Variants in CARS1 observed in about 807,000 individuals in gnomAD.
CARS1 encodes the protein cysteinyl-tRNA synthetase 1, also known as cysteine--tRNA ligase, cytoplasmic.
A neutral mutation model predicts 106.2 loss-of-function variants in CARS1; 48 were observed. The ratio of observed to expected loss-of-function variants is 0.45; its 90% confidence interval spans 0.36 to 0.57. The LOEUF is 0.57. Ranked by LOEUF, CARS1 falls within the 20% of genes least tolerant of loss-of-function variation. CARS1 has a pLI of 0.00. For missense variants in CARS1, 968 were observed against 1,057.2 expected (o/e 0.92, Z 1.17); for synonymous variants, 409 against 403.4 (o/e 1.01, Z -0.17).
rs1027194594 is a variant in CARS1, at chr11:3,037,212, G to A, written c.801+838C>T. Among the ~76,000 whole-genome samples the A allele has an allele frequency of 3.9e-5, 6 of 152,202 alleles. No homozygotes were observed. Among genetic ancestry groups the A allele is most frequent in the African/African-American group, 9.7e-5 (4 of 41,446 alleles). On this transcript the variant is annotated intron_variant, in intron 7 of 22. Transcript: ENST00000380525. The surrounding 1 kb of genome is among the most constrained non-coding windows in gnomAD (Gnocchi z 5.9). ...AAAGCACACTGACGACTACATACACGTGGCGTGTTTCCGTGAAGTTTGGAA... is the reference window on the plus strand; with the variant it reads ...AAAGCACACTGACGACTACATACACATGGCGTGTTTCCGTGAAGTTTGGAA...
rs1241777615 is a variant in CARS1 at position 3,017,467 on chromosome 11, A to AC, written c.1728-173dup. ...AGACCAGCCTGACAAACATGGAGAG[A>AC]CCCCCACCTCTACTAAAAATCTGAA... On this transcript the variant is annotated intron_variant, in intron 15 of 22. Transcript: ENST00000380525. This position sits in a 1 kb window ranked among gnomAD's most constrained non-coding sequence, Gnocchi z 4.9. 8.1e-5 allele frequency: 48 copies of AC among 594,358 alleles called. No individual in the cohort carries two copies. Among genetic ancestry groups the AC allele is most frequent in the South Asian group, 3.8e-4 (18 of 47,138 alleles). 36.8% of individuals were successfully genotyped at this position (594,358 alleles called of 1,614,324 possible).
chr11:3,005,501 T>C, intron 19 of CARS1, 68 bp from the exon 20 acceptor site: 7 of 1,069,418 alleles, frequency 6.5e-6, no homozygotes, highest in Non-Finnish European at 1.0e-5. Flanking sequence ...GGGCCAGCCC[T>C]GCCCTGCCCT....
chr11:3,001,097 G>C lies in CARS1; in HGVS notation c.*17C>G. 1 of 1,613,572 alleles carries C rather than the reference G, an allele frequency of 6.2e-7. No homozygotes were observed. The highest frequency in any genetic ancestry group is 8.5e-7 in the Non-Finnish European group (1 of 1,179,846). ...CCACTAGTCCACAATGGTTTAAAAA[G>C]TCAGTCCTGTGCCCCCTCACTGGAA... On this transcript the variant is annotated 3_prime_UTR_variant, in exon 23 of 23. Transcript: ENST00000380525.
At chr11:3,032,206 G>A (rs1206357831) in intron 7 of CARS1, among the ~76,000 whole-genome samples, 5 of 151,818 alleles carry the variant, frequency 3.3e-5, no homozygotes, top group Admixed American at 2.0e-4. Context: ...CCGAGTAGAA[G>A]GGATTACAGT....
intron 7 of CARS1, among the ~76,000 whole-genome samples, chr11:3,032,809 G>T (rs975048711): frequency 4.0e-5 from 6 of 151,190 alleles, no homozygotes; most frequent in African/African-American, 1.5e-4. Context: ...ACTATTCTGT[G>T]TGATACCGTA....
At chr11:3,001,329 C>A (rs1331644455) in intron 22 of CARS1, 81 bp from the exon 23 acceptor site, 2 of 1,533,160 alleles carry the variant, frequency 1.3e-6, no homozygotes, top group Non-Finnish European at 1.8e-6. Flanking sequence ...CCTCCCGTCT[C>A]AAAGTGTCTA....
intron 17 of CARS1, among the ~76,000 whole-genome samples, chr11:3,013,679 G>A (rs1850717834): frequency 6.6e-6 from 1 of 151,774 alleles, no homozygotes; most frequent in Admixed American, 6.6e-5. Flanking sequence ...TGAAACCCCC[G>A]TCTCTACTAA....
Position 3,039,432 on chromosome 11 carries a change from C to T in CARS1, c.553-140G>A. ...CAACTGTGGGCCCCGGACGTGCACA[C>T]CATCATCAAATAGAAACACCACCCT... On this transcript the variant is annotated intron_variant, in intron 5 of 22. Coordinates refer to ENST00000380525, the MANE Select transcript of CARS1 (RefSeq NM_001014437.3). The surrounding 1 kb of genome is among the most constrained non-coding windows in gnomAD (Gnocchi z 5.6). The T allele has an allele frequency of 1.6e-6, 1 of 615,696 alleles. No homozygotes were observed. The highest frequency in any genetic ancestry group is 2.7e-5 in the Admixed American group (1 of 37,102). The allele number at this position is 615,696 out of a possible 1,614,324, so 38.1% of individuals were successfully genotyped here. A position where few individuals can be genotyped will look rare whatever the true frequency, so the allele number is the denominator to read the frequency against.
chr11:3,010,931 G>T (rs778600491), intron 18 of CARS1, among the ~76,000 whole-genome samples: 10 of 152,248 alleles, frequency 6.6e-5, no homozygotes, highest in Non-Finnish European at 1.2e-4. Context: ...CACAGATGGG[G>T]ACCAGGTGGA....
chr11:3,002,697 G>A (rs1849505705), intron 20 of CARS1, 97 bp from the exon 21 acceptor site: 2 of 1,572,924 alleles, frequency 1.3e-6, no homozygotes, highest in African/African-American at 2.7e-5. Flanking sequence ...CTCTCCTAGG[G>A]CCTGGCATGG....
At position 3,019,239 on chromosome 11, in the gene CARS1, G is replaced by A. The variant is rs1319798793; in HGVS notation, c.1295C>T (p.Ser432Leu). The change falls in exon 12 of 23, where the codon TCG (serine) becomes TTG (leucine). Residue 432 changes from serine (S) to leucine (L), a missense_variant. By Grantham distance (145) the Ser-to-Leu change is moderately radical. Coordinates refer to ENST00000380525, the MANE Select transcript of CARS1 (RefSeq NM_001014437.3). The surrounding 1 kb of genome is among the most constrained non-coding windows in gnomAD (Gnocchi z 6.2). ...KGRPGWHIEC[S>L]AMAGTLLGAS... is the part of the protein sequence containing the mutation. The stretch of plus-strand genomic sequence containing the variant: ...CCCTAGGAGGGTGCCTGCCATGGCC[G>A]AGCACTCGATATGCCAGCCCGGACG... 11 of 1,472,282 alleles carry A rather than the reference G, an allele frequency of 7.5e-6. No homozygotes were observed. Among genetic ancestry groups the A allele is most frequent in the South Asian group, 1.5e-5 (1 of 68,732 alleles). 91.2% of individuals were successfully genotyped at this position (1,472,282 alleles called of 1,614,324 possible). A position where few individuals can be genotyped will look rare whatever the true frequency, so the allele number is the denominator to read the frequency against.
At position 3,017,787 on chromosome 11, in the gene CARS1, G is replaced by A. The variant is rs1851190005; in HGVS notation, c.1727+70C>T. 7.0e-6 allele frequency: 7 copies of A among 1,006,374 alleles called. No homozygotes were observed. In the Admixed American group the frequency reaches 1.1e-4, roughly 15 times the overall value. The allele number at this position is 1,006,374 out of a possible 1,614,324, so 62.3% of individuals were successfully genotyped here. ...TCCTCGACAGTCCAGGACACATGGT[G>A]GCCAAGATGCGAGGCTAGGCATAGA... On this transcript the variant is annotated intron_variant, in intron 15 of 22. Coordinates refer to ENST00000380525, the MANE Select transcript of CARS1 (RefSeq NM_001014437.3). The surrounding 1 kb of genome is among the most constrained non-coding windows in gnomAD (Gnocchi z 4.9).
chr11:3,043,238 A>G lies in CARS1; in HGVS notation c.275-982T>C, dbSNP rs1010858650. On this transcript the variant is annotated intron_variant, in intron 2 of 22. Transcript: ENST00000380525. This position sits in a 1 kb window ranked among gnomAD's most constrained non-coding sequence, Gnocchi z 4.0. ...TGTCCTTACACAACCTGCATCTGAG[A>G]TCCCTGAAGGGGCAGAGCTCTGTCC... Among the ~76,000 whole-genome samples the G allele has an allele frequency of 6.6e-6, 1 of 151,850 alleles. No homozygotes were observed. Among genetic ancestry groups the G allele is most frequent in the African/African-American group, 2.4e-5 (1 of 41,326 alleles).
At position 3,046,632 on chromosome 11, in the gene CARS1, G is replaced by A. The variant is rs186659383; in HGVS notation, c.274+1121C>T. ...CAGAGGCCTGACCCACGGCAGAGGC[G>A]GGGGGGCATGTTCCCAATCCCAGGC... On this transcript the variant is annotated intron_variant, in intron 2 of 22. Transcript: ENST00000380525. This position sits in a 1 kb window ranked among gnomAD's most constrained non-coding sequence, Gnocchi z 5.8. Among the ~76,000 whole-genome samples, 97 of 152,042 alleles carry A rather than the reference G, an allele frequency of 6.4e-4. No individual in the cohort carries two copies. The highest frequency in any genetic ancestry group is 2.2e-3 in the African/African-American group (92 of 41,494).
At position 3,037,764 on chromosome 11, in the gene CARS1, T is replaced by A. The variant is rs1853861855; in HGVS notation, c.801+286A>T. 6.6e-6 allele frequency among the ~76,000 whole-genome samples: 1 copy of A among 152,032 alleles called. No individual in the cohort carries two copies. The highest frequency in any genetic ancestry group is 1.9e-4 in the East Asian group (1 of 5,190). ...GAAGGCTGCCTCCCCACGTTCCAAGTGCACCTCCTGCCTATCTGATGGAAG... is the reference window on the plus strand; with the variant it reads ...GAAGGCTGCCTCCCCACGTTCCAAGAGCACCTCCTGCCTATCTGATGGAAG... On this transcript the variant is annotated intron_variant, in intron 7 of 22. Coordinates refer to ENST00000380525, the MANE Select transcript of CARS1 (RefSeq NM_001014437.3). The surrounding 1 kb of genome is among the most constrained non-coding windows in gnomAD (Gnocchi z 5.9).
Position 3,003,128 on chromosome 11 carries a change from C to G in CARS1, c.2218-528G>C, listed in dbSNP as rs1849548011. On this transcript the variant is annotated intron_variant, in intron 20 of 22. Transcript: ENST00000380525. The surrounding 1 kb of genome is among the most constrained non-coding windows in gnomAD (Gnocchi z 4.8). The stretch of plus-strand genomic sequence containing the variant: ...GGCAGCACCCGGGCAGGGGCGAGGA[C>G]AGTCTGATGCTGCAGGGAGAGCTTA... 6.6e-6 allele frequency among the ~76,000 whole-genome samples: 1 copy of G among 152,190 alleles called. No homozygotes were observed.
rs1489282813 is a variant in CARS1, at chr11:3,039,546, T to C, written c.553-254A>G. On this transcript the variant is annotated intron_variant, in intron 5 of 22. Transcript: ENST00000380525. This position sits in a 1 kb window ranked among gnomAD's most constrained non-coding sequence, Gnocchi z 5.6. ...GAGCCCTGGGGGCCCCAGCTTCCCC[T>C]GCAAGCCACATGTCGAAGTGCGTGC... 6.6e-6 allele frequency among the ~76,000 whole-genome samples: 1 copy of C among 152,224 alleles called. No individual in the cohort carries two copies. Among genetic ancestry groups the C allele is most frequent in the East Asian group, 1.9e-4 (1 of 5,190 alleles).
At chr11:3,057,054 C>T (rs1458881274) in intron 1 of CARS1, among the ~76,000 whole-genome samples, 1 of 152,136 alleles carries the variant, frequency 6.6e-6, no homozygotes, top group Non-Finnish European at 1.5e-5. Flanking sequence ...GGACGTGCCA[C>T]CCCTCGAACC....
chr11:3,006,330 C>T (rs919621925), intron 19 of CARS1, among the ~76,000 whole-genome samples: 13 of 152,270 alleles, frequency 8.5e-5, no homozygotes, highest in Admixed American at 2.6e-4. Context: ...TCTGTAATCC[C>T]AGCTACTCGG....
Sources: gnomAD v4.1 joint callset for allele counts (sites outside exome capture counted in the v4.1 genomes callset) on GRCh38, gnomAD v4.1.1 for gene constraint, Gnocchi (gnomAD v3.1) non-coding constraint, MANE v1.5 for transcripts, NCBI Gene and HGNC (gene_info 2026-07-23, HGNC 2026-07-21) for gene names.